CDIP1: variants seen among roughly 807,000 people sequenced by gnomAD.
The protein encoded by CDIP1 is cell death-inducing p53-target protein 1.
CDIP1 carries 9 observed loss-of-function variants against 17.7 expected under a neutral mutation model. The observed-to-expected ratio is 0.51, with a 90% confidence interval of 0.31 to 0.89. The LOEUF (loss-of-function observed/expected upper bound fraction) is 0.89. Ranked by LOEUF, CDIP1 falls within the 40% of genes least tolerant of loss-of-function variation. CDIP1 has a pLI of 0.05. For missense variants in CDIP1, 263 were observed against 277.9 expected (o/e 0.95, Z 0.38); for synonymous variants, 117 against 109.5 (o/e 1.07, Z -0.43).
chr16:4,520,599 T>G (rs2058936180), intron 1 of CDIP1, among the ~76,000 whole-genome samples: 1 of 152,196 alleles, frequency 6.6e-6, no homozygotes, highest in South Asian at 2.1e-4. Context: ...CTACCAATGT[T>G]GACACATCTC....
Position 4,512,925 on chromosome 16 carries a change from C to T in CDIP1, c.381G>A (p.Val127=). The change falls in exon 5 of 6, where the codon GTG becomes GTA. Residue 127 remains valine (V), a synonymous_variant. Coordinates refer to ENST00000567695, the MANE Select transcript of CDIP1 (RefSeq NM_013399.3). The surrounding 1 kb of genome is among the most constrained non-coding windows in gnomAD (Gnocchi z 4.6). The stretch of plus-strand genomic sequence containing the variant: ...CTCCCTCAAAGATCTCTCCCTGCAG[C>T]ACTGTCACCGTGGTGGCAGCTCCTG... ...VPSGAATTVT[V]LQGEIFEGAP... 1.3e-6 allele frequency: 2 copies of T among 1,579,340 alleles called. No homozygotes were observed. The highest frequency in any genetic ancestry group is 1.7e-6 in the Non-Finnish European group (2 of 1,162,808).
intron 1 of CDIP1, among the ~76,000 whole-genome samples, chr16:4,516,909 C>A (rs765897175): frequency 5.9e-5 from 9 of 152,034 alleles, no homozygotes; most frequent in Non-Finnish European, 1.2e-4. Context: ...GGGATTTCAC[C>A]ACATTGACCA....
chr16:4,530,915 G>A (rs899269082), intron 1 of CDIP1, among the ~76,000 whole-genome samples: 5 of 152,122 alleles, frequency 3.3e-5, no homozygotes. Context: ...CTAAGTTCCT[G>A]TAACTCTAAG....
chr16:4,518,784 CAGA>C (rs2058914618), intron 1 of CDIP1, among the ~76,000 whole-genome samples: 2 of 152,218 alleles, frequency 1.3e-5, no homozygotes, highest in African/African-American at 4.8e-5. Flanking sequence ...ATCACACGAT[CAGA>C]AGCAAAATAG....
chr16:4,515,497 T>C (rs1176782768), intron 1 of CDIP1, among the ~76,000 whole-genome samples: 2 of 152,226 alleles, frequency 1.3e-5, no homozygotes, highest in Non-Finnish European at 1.5e-5. Flanking sequence ...TGAAAAACTC[T>C]TGTGCTTCAA....
At position 4,513,940 on chromosome 16, in the gene CDIP1, G is replaced by A; in HGVS notation, c.86-89C>T. The A allele has an allele frequency of 7.3e-7, 1 of 1,379,150 alleles. No homozygotes were observed. Among genetic ancestry groups the A allele is most frequent in the Non-Finnish European group, 9.8e-7 (1 of 1,016,862 alleles). The allele number at this position is 1,379,150 out of a possible 1,614,324, so 85.4% of individuals were successfully genotyped here. A position where few individuals can be genotyped will look rare whatever the true frequency, so the allele number is the denominator to read the frequency against. ...AGGCCACTGTTTTGGGACACAGATG[G>A]GGCCCAGGGGTAACCCTGGAGTGGG... On this transcript the variant is annotated intron_variant, in intron 3 of 5. Transcript: ENST00000567695. The surrounding 1 kb of genome is among the most constrained non-coding windows in gnomAD (Gnocchi z 4.1).
chr16:4,530,469 G>A (rs1329074102), intron 1 of CDIP1, among the ~76,000 whole-genome samples: 1 of 151,970 alleles, frequency 6.6e-6, no homozygotes, highest in Non-Finnish European at 1.5e-5. Flanking sequence ...GACCAACATG[G>A]AGAAACCCCA....
In CDIP1 at chr16:4,513,109, A is replaced by T; in HGVS notation, c.242-45T>A. 1 of 1,518,726 alleles carries T rather than the reference A, an allele frequency of 6.6e-7. No individual in the cohort carries two copies. Among genetic ancestry groups the T allele is most frequent in the Non-Finnish European group, 8.8e-7 (1 of 1,139,480 alleles). The allele number at this position is 1,518,726 out of a possible 1,614,324, so 94.1% of individuals were successfully genotyped here. ...GGAGGCGAGAGGTCACTGGCCTGCC[A>T]CCTGCACCAGACAAAGAGATTGGCG... On this transcript the variant is annotated intron_variant, in intron 4 of 5. Coordinates refer to ENST00000567695, the MANE Select transcript of CDIP1 (RefSeq NM_013399.3). This position sits in a 1 kb window ranked among gnomAD's most constrained non-coding sequence, Gnocchi z 4.1.
intron 1 of CDIP1, among the ~76,000 whole-genome samples, chr16:4,517,747 C>CA (rs777756237): frequency 0.011 from 940 of 88,846 alleles, 10 homozygotes; most frequent in African/African-American, 0.021. Context: ...TCTCAAAAAA[C>CA]AAAAAAAAAA....
chr16:4,526,006 AG>A (rs2058995941), intron 1 of CDIP1, among the ~76,000 whole-genome samples: 1 of 152,220 alleles, frequency 6.6e-6, no homozygotes, highest in Admixed American at 6.5e-5. Context: ...GCTCAACTTA[AG>A]TCACAGAAAG....
At chr16:4,528,640 C>T (rs4786516) in intron 1 of CDIP1, among the ~76,000 whole-genome samples, 78,173 of 143,700 alleles carry the variant, frequency 0.54, 24,479 homozygotes, top group Non-Finnish European at 0.7. Flanking sequence ...ATGATTGCAC[C>T]GCTGCACTCT....
chr16:4,532,836 A>C (rs1439350284), intron 1 of CDIP1: 3 of 152,276 alleles, frequency 2.0e-5, no homozygotes. Context: ...CTGGGGACAG[A>C]AACTAAGGCC....
chr16:4,520,795 T>C (rs1036376796), intron 1 of CDIP1, among the ~76,000 whole-genome samples: 1 of 152,320 alleles, frequency 6.6e-6, no homozygotes, highest in African/African-American at 2.4e-5. Flanking sequence ...TCCCTTGAAG[T>C]AGCAAGTTCA....
chr16:4,519,251 G>C (rs2058919627), intron 1 of CDIP1, among the ~76,000 whole-genome samples: 1 of 152,160 alleles, frequency 6.6e-6, no homozygotes. Context: ...CAACAGAAAA[G>C]ACTTCTGTGG....
chr16:4,524,823 G>A (rs568795532), intron 1 of CDIP1, among the ~76,000 whole-genome samples: 2 of 152,340 alleles, frequency 1.3e-5, no homozygotes, highest in African/African-American at 4.8e-5. Context: ...ATACAGCACA[G>A]ACAGGTGCAG....
chr16:4,526,763 T>TA (rs951643814), intron 1 of CDIP1, among the ~76,000 whole-genome samples: 3 of 150,124 alleles, frequency 2.0e-5, no homozygotes, highest in African/African-American at 7.3e-5. Context: ...AAAAATAAAA[T>TA]AAAAAAGACA....
chr16:4,513,072 G>T lies in CDIP1; in HGVS notation c.242-8C>A. 1 of 1,580,304 alleles carries T rather than the reference G, an allele frequency of 6.3e-7. No homozygotes were observed. On this transcript the variant is annotated splice_polypyrimidine_tract_variant and splice_region_variant and intron_variant, in intron 4 of 5. Transcript: ENST00000567695. The surrounding 1 kb of genome is among the most constrained non-coding windows in gnomAD (Gnocchi z 4.1). The stretch of plus-strand genomic sequence containing the variant: ...CTGGAGGAGGGTAGAAACCTGGAAT[G>T]GCACAGAAGATGGAGGCGAGAGGTC...
At chr16:4,518,658 G>C (rs1483116275) in intron 1 of CDIP1, among the ~76,000 whole-genome samples, 2 of 152,170 alleles carry the variant, frequency 1.3e-5, no homozygotes, top group Non-Finnish European at 2.9e-5. Flanking sequence ...AGCTCATGAA[G>C]ATTTCCCGAA....
intron 1 of CDIP1, among the ~76,000 whole-genome samples, chr16:4,521,784 T>A (rs999059118): frequency 6.6e-6 from 1 of 151,226 alleles, no homozygotes; most frequent in Non-Finnish European, 1.5e-5. Flanking sequence ...CCCACCACTT[T>A]CCAGCTGAGC....
Sources: allele counts gnomAD v4.1 joint callset (sites outside exome capture counted in the v4.1 genomes callset), GRCh38; gene constraint gnomAD v4.1.1; non-coding constraint Gnocchi (gnomAD v3.1); transcripts MANE v1.5; gene names NCBI Gene and HGNC (gene_info 2026-07-23, HGNC 2026-07-21).